The following DTD1 variants were observed in gnomAD, a reference collection of about 807,000 sequenced individuals.
The protein encoded by DTD1 is D-aminoacyl-tRNA deacylase 1, also known as D-tyrosyl-tRNA deacylase 1 homolog.
In DTD1, 13 loss-of-function variants were observed where a neutral mutation model predicts 25.6. That is an observed-to-expected ratio of 0.51 (90% CI 0.33 to 0.81). DTD1 has a LOEUF of 0.81. Among genes scored for constraint, DTD1 ranks in the 30% least tolerant of loss-of-function variants. The pLI, the probability that DTD1 is intolerant of heterozygous loss-of-function variation, is 0.02. For missense variants in DTD1, 193 were observed against 266.4 expected (o/e 0.72, Z 1.92); for synonymous variants, 110 against 103.6 (o/e 1.06, Z -0.37).
intron 4 of DTD1, among the ~76,000 whole-genome samples, chr20:18,672,449 T>A (rs560489122): frequency 2.3e-3 from 343 of 151,008 alleles, no homozygotes; most frequent in Non-Finnish European, 3.3e-3. Flanking sequence ...TTTTTTCAGT[T>A]TTTTTTTTTG....
At position 18,765,463 on chromosome 20, in the gene DTD1, C is replaced by T. The variant is rs2061376362; in HGVS notation, c.*2123C>T. The T allele has an allele frequency of 6.6e-6, 1 of 152,182 alleles. No individual in the cohort carries two copies. Among genetic ancestry groups the T allele is most frequent in the African/African-American group, 2.4e-5 (1 of 41,442 alleles). 9.4% of individuals were successfully genotyped at this position (152,182 alleles called of 1,614,324 possible). On this transcript the variant is annotated 3_prime_UTR_variant, in exon 6 of 6. Transcript: ENST00000377452. ...ACATGGTAAAAGAAAGCATTTACTA[C>T]TTTTGTAAACATTTTGGATTGAAGA...
chr20:18,705,703 T>G (rs2061123822), intron 4 of DTD1, among the ~76,000 whole-genome samples: 1 of 151,932 alleles, frequency 6.6e-6, no homozygotes, highest in African/African-American at 2.4e-5. Context: ...TCAGGCTGCA[T>G]TAGGAGATCT....
intron 4 of DTD1, chr20:18,632,114 G>T: frequency 1.0e-6 from 1 of 957,656 alleles, no homozygotes; most frequent in Non-Finnish European, 1.2e-6. Flanking sequence ...TTCACTATGT[G>T]TATGTAGATC....
intron 4 of DTD1, among the ~76,000 whole-genome samples, chr20:18,629,362 G>A (rs1164568128): frequency 4.9e-5 from 7 of 141,754 alleles, no homozygotes; most frequent in African/African-American, 1.6e-4. Flanking sequence ...GTGCAGTGGT[G>A]CGATCATGGC....
intron 4 of DTD1, among the ~76,000 whole-genome samples, chr20:18,647,973 A>G (rs1225340510): frequency 6.6e-6 from 1 of 152,176 alleles, no homozygotes; most frequent in Non-Finnish European, 1.5e-5. Context: ...CATCAGGAGC[A>G]GGGCTTTGAA....
chr20:18,761,201 G>C (rs574877681), intron 5 of DTD1, among the ~76,000 whole-genome samples: 2 of 152,022 alleles, frequency 1.3e-5, no homozygotes, highest in East Asian at 3.9e-4. Context: ...GCGATGCCTC[G>C]CCCTGCTCGG....
chr20:18,716,657 G>A (rs1362918249), intron 4 of DTD1, among the ~76,000 whole-genome samples: 3 of 152,172 alleles, frequency 2.0e-5, no homozygotes, highest in Non-Finnish European at 2.9e-5. Context: ...TTCAATTTAG[G>A]TAAAAGAGTA....
chr20:18,760,997 A>G (rs1295034890), intron 5 of DTD1, among the ~76,000 whole-genome samples: 1 of 152,156 alleles, frequency 6.6e-6, no homozygotes, highest in Non-Finnish European at 1.5e-5. Context: ...CTGTGCTAGC[A>G]ATGAGCGAGG....
intron 4 of DTD1, among the ~76,000 whole-genome samples, chr20:18,636,038 G>A (rs912718558): frequency 1.3e-5 from 2 of 152,096 alleles, no homozygotes; most frequent in African/African-American, 4.8e-5. Context: ...AGTCTCTCAG[G>A]ACACTAATGG....
At chr20:18,716,393 C>T (rs2061180729) in intron 4 of DTD1, among the ~76,000 whole-genome samples, 1 of 152,224 alleles carries the variant, frequency 6.6e-6, no homozygotes, top group Non-Finnish European at 1.5e-5. Context: ...CATCATGTCA[C>T]ACCGGCCCCT....
intron 4 of DTD1, among the ~76,000 whole-genome samples, chr20:18,628,820 G>T (rs2060770337): frequency 6.6e-6 from 1 of 152,136 alleles, no homozygotes; most frequent in Non-Finnish European, 1.5e-5. Context: ...ACACTCACTG[G>T]ATAGAGACAC....
In DTD1 at chr20:18,754,216, G is replaced by A. The variant is rs138039110; in HGVS notation, c.*20-9144G>A. Among the ~76,000 whole-genome samples, 132 of 152,322 alleles carry A rather than the reference G, an allele frequency of 8.7e-4. 1 individual carries two copies. Among genetic ancestry groups the A allele is most frequent in the Middle Eastern group, 3.4e-3 (1 of 294 alleles). On this transcript the variant is annotated intron_variant, in intron 5 of 5. Transcript: ENST00000377452. ...TGTCTTTGAGGGTTTCAGTGTTTACGTGGGCTGTGAAGGGTTTCCTTTCTT... is the reference window on the plus strand; with the variant it reads ...TGTCTTTGAGGGTTTCAGTGTTTACATGGGCTGTGAAGGGTTTCCTTTCTT...
At chr20:18,756,581 G>A (rs2061340210) in intron 5 of DTD1, among the ~76,000 whole-genome samples, 1 of 152,198 alleles carries the variant, frequency 6.6e-6, no homozygotes, top group Non-Finnish European at 1.5e-5. Context: ...GATAGTTGTA[G>A]ATGTGTGGAA....
At chr20:18,649,628 C>T (rs1229898638) in intron 4 of DTD1, among the ~76,000 whole-genome samples, 4 of 152,258 alleles carry the variant, frequency 2.6e-5, no homozygotes, top group African/African-American at 9.6e-5. Flanking sequence ...AACACCATTG[C>T]TCTTTCTGTG....
intron 4 of DTD1, among the ~76,000 whole-genome samples, chr20:18,653,221 G>T (rs1249024059): frequency 6.6e-6 from 1 of 152,162 alleles, no homozygotes; most frequent in Non-Finnish European, 1.5e-5. Flanking sequence ...GGGCAACATG[G>T]TGAAACCCTG....
At chr20:18,750,011 G>C (rs1490643184) in intron 5 of DTD1, among the ~76,000 whole-genome samples, 2 of 152,166 alleles carry the variant, frequency 1.3e-5, no homozygotes, top group Non-Finnish European at 1.5e-5. Flanking sequence ...TTTACGTCAG[G>C]GTCAGCAGTG....
chr20:18,632,996 C>T lies in DTD1; in HGVS notation c.477+4763C>T, dbSNP rs185429546. 3.5e-3 allele frequency among the ~76,000 whole-genome samples: 528 copies of T among 152,224 alleles called. 1 individual carries two copies. Among genetic ancestry groups the T allele is most frequent in the African/African-American group, 0.012 (486 of 41,528 alleles). On this transcript the variant is annotated intron_variant, in intron 4 of 5. Transcript: ENST00000377452. ...AACTGCTGCTGCCCAGCCTGTGCAG[C>T]CGGGGATAGATTTTGGGCAACATAA...
intron 4 of DTD1, among the ~76,000 whole-genome samples, chr20:18,639,201 A>G (rs2060819800): frequency 6.8e-6 from 1 of 147,166 alleles, no homozygotes; most frequent in East Asian, 2.0e-4. Flanking sequence ...AAAAAAAAGC[A>G]AGCAAGTTCA....
rs563516800 is a variant in DTD1, at chr20:18,603,631, C to T, written c.370+7390C>T. On this transcript the variant is annotated intron_variant, in intron 3 of 5. Transcript: ENST00000377452. The stretch of plus-strand genomic sequence containing the variant: ...CAGGATTAAGAATCTCACTCAAAGC[C>T]GCTCAACTACATGGAAACTGAACAA... Among the ~76,000 whole-genome samples the T allele has an allele frequency of 7.1e-3, 763 of 107,850 alleles. 4 individuals carry two copies. The highest frequency in any genetic ancestry group is 0.025 in the African/African-American group (722 of 29,254). The allele number at this position is 107,850 out of a possible 152,430, so 70.8% of individuals were successfully genotyped here. A position where few individuals can be genotyped will look rare whatever the true frequency, so the allele number is the denominator to read the frequency against.
Sources: allele counts gnomAD v4.1 joint callset (sites outside exome capture counted in the v4.1 genomes callset), GRCh38; gene constraint gnomAD v4.1.1; transcripts MANE v1.5; gene names NCBI Gene and HGNC (gene_info 2026-07-23, HGNC 2026-07-21).